The following CORO2A variants were observed in gnomAD, a reference collection of about 807,000 sequenced individuals.
CORO2A encodes the protein coronin 2A.
Under a neutral mutation model 62.4 loss-of-function variants are expected in CORO2A, and 47 were observed. That is an observed-to-expected ratio of 0.75 (90% CI 0.60 to 0.96). CORO2A has a LOEUF of 0.96. Ranked by LOEUF, CORO2A falls within the 40% of genes least tolerant of loss-of-function variation. CORO2A has a pLI of 0.00. For synonymous variants in CORO2A, 273 were observed against 268.9 expected (o/e 1.02, Z -0.15); for missense variants, 610 against 684.1 (o/e 0.89, Z 1.21).
At chr9:98,135,021 G>A in intron 3 of CORO2A, 66 bp from the exon 4 acceptor site, 1 of 1,580,264 alleles carries the variant, frequency 6.3e-7, no homozygotes, top group Non-Finnish European at 8.6e-7. Flanking sequence ...ACCAGCCTAA[G>A]CCACAGATCT....
chr9:98,179,024 G>C (rs529330218), intron 1 of CORO2A, among the ~76,000 whole-genome samples: 2 of 152,184 alleles, frequency 1.3e-5, no homozygotes, highest in Non-Finnish European at 1.5e-5. Flanking sequence ...TCACAGTCTA[G>C]CTCTTTACCG....
intron 5 of CORO2A, 103 bp from the exon 6 acceptor site, chr9:98,132,404 A>C (rs1243885860): frequency 1.0e-5 from 9 of 887,994 alleles, no homozygotes; most frequent in Non-Finnish European, 1.6e-5. Context: ...TCCACCTGGG[A>C]GGCCTCCCTT....
chr9:98,186,262 C>A (rs956101330), intron 1 of CORO2A, among the ~76,000 whole-genome samples: 1 of 151,382 alleles, frequency 6.6e-6, no homozygotes, highest in Admixed American at 6.6e-5. Context: ...TGAAATGATG[C>A]CAGGAGAGGG....
intron 2 of CORO2A, among the ~76,000 whole-genome samples, chr9:98,144,873 T>G (rs1587998710): frequency 6.6e-6 from 1 of 151,806 alleles, no homozygotes; most frequent in East Asian, 1.9e-4. Context: ...CTGCCCAGGG[T>G]GCAAGGCTGG....
intron 2 of CORO2A, among the ~76,000 whole-genome samples, chr9:98,138,680 G>A (rs906186818): frequency 6.6e-6 from 1 of 152,232 alleles, no homozygotes; most frequent in Non-Finnish European, 1.5e-5. Flanking sequence ...TGTTCCAGAT[G>A]TGGTTTCATT....
At chr9:98,135,024 A>G in intron 3 of CORO2A, 69 bp from the exon 4 acceptor site, 8 of 1,576,540 alleles carry the variant, frequency 5.1e-6, no homozygotes, top group Non-Finnish European at 6.9e-6. Context: ...AGCCTAAGCC[A>G]CAGATCTGGC....
intron 10 of CORO2A, among the ~76,000 whole-genome samples, chr9:98,127,397 G>A (rs1232426541): frequency 6.6e-6 from 1 of 152,208 alleles, no homozygotes; most frequent in Non-Finnish European, 1.5e-5. Flanking sequence ...AGCAGCTGGG[G>A]TGACTGCTTC....
At chr9:98,165,470 C>T (rs1827946580) in intron 1 of CORO2A, among the ~76,000 whole-genome samples, 1 of 152,204 alleles carries the variant, frequency 6.6e-6, no homozygotes, top group Non-Finnish European at 1.5e-5. Context: ...TGACTTGGTG[C>T]TTATTCTGCG....
chr9:98,129,062 A>G lies in CORO2A; in HGVS notation c.968-343T>C, dbSNP rs529163670. On this transcript the variant is annotated intron_variant, in intron 8 of 11. Coordinates refer to ENST00000375077, the MANE Select transcript of CORO2A (RefSeq NM_052820.4). Reference sequence around the variant, plus strand: ...ATCCTCCTGCCTTAGCGTCCCAAGTAGCTGGGACCACAGGTATGCACCTCA... The same window carrying G: ...ATCCTCCTGCCTTAGCGTCCCAAGTGGCTGGGACCACAGGTATGCACCTCA... Among the ~76,000 whole-genome samples, 7 of 152,248 alleles carry G rather than the reference A, an allele frequency of 4.6e-5. No individual in the cohort carries two copies. The South Asian group carries it at 1.2e-3, about 27-fold the overall frequency.
chr9:98,166,253 T>TA (rs766388195), intron 1 of CORO2A, among the ~76,000 whole-genome samples: 2 of 152,040 alleles, frequency 1.3e-5, no homozygotes, highest in African/African-American at 2.4e-5. Flanking sequence ...GCTAAATCTA[T>TA]AAAAAACCTT....
At chr9:98,132,408 C>T in intron 5 of CORO2A, 107 bp from the exon 6 acceptor site, 1 of 821,270 alleles carries the variant, frequency 1.2e-6, no homozygotes. Context: ...CCTGGGAGGC[C>T]TCCCTTTCTC....
At chr9:98,165,545 C>T (rs879862591) in intron 1 of CORO2A, among the ~76,000 whole-genome samples, 1 of 152,224 alleles carries the variant, frequency 6.6e-6, no homozygotes, top group Non-Finnish European at 1.5e-5. Context: ...CTGCTCTCCA[C>T]ATGTTCATAC....
Position 98,133,141 on chromosome 9 carries a change from A to G in CORO2A, c.545T>C (p.Val182Ala). The change falls in exon 5 of 12, where the codon GTG becomes GCG. Residue 182 changes from valine (V) to alanine (A), a missense_variant. Val to Ala is a moderately conservative substitution (Grantham distance 64). Coordinates refer to ENST00000375077, the MANE Select transcript of CORO2A (RefSeq NM_052820.4). ...PMSTISCHQD[V>A]ILSMSFNTNG... ...GGTGTTGAAGGACATGGAGAGGATC[A>G]CATCTTGGTGACAGCTAATCGTACT... The G allele has an allele frequency of 2.5e-6, 4 of 1,614,236 alleles. No homozygotes were observed. Among genetic ancestry groups the G allele is most frequent in the Non-Finnish European group, 3.4e-6 (4 of 1,180,038 alleles).
In CORO2A at chr9:98,179,457, C is replaced by T. The variant is rs115840045; in HGVS notation, c.-1+13102G>A. On this transcript the variant is annotated intron_variant, in intron 1 of 11. Coordinates refer to ENST00000375077, the MANE Select transcript of CORO2A (RefSeq NM_052820.4). ...ATCTTCCAGGTCCTTCCTGCCTCCT[C>T]CAGGCTGTCCTCATCTCAGATCCCA... 2.0e-3 allele frequency among the ~76,000 whole-genome samples: 297 copies of T among 152,304 alleles called. 1 individual carries two copies. Among genetic ancestry groups the T allele is most frequent in the African/African-American group, 6.7e-3 (279 of 41,572 alleles).
chr9:98,170,652 C>T (rs1218680342), intron 1 of CORO2A, among the ~76,000 whole-genome samples: 1 of 152,156 alleles, frequency 6.6e-6, no homozygotes, highest in Non-Finnish European at 1.5e-5. Context: ...CCATGTTAGC[C>T]AAGCTGATCT....
intron 1 of CORO2A, among the ~76,000 whole-genome samples, chr9:98,169,204 G>GC (rs1828001029): frequency 1.3e-5 from 2 of 151,662 alleles, no homozygotes; most frequent in East Asian, 3.9e-4. Flanking sequence ...CGCCTTCCCC[G>GC]CCCCCGCGCC....
rs780593212 is a variant in CORO2A at position 98,132,193 on chromosome 9, A to T, written c.757T>A (p.Trp253Arg). The T allele has an allele frequency of 8.7e-6, 14 of 1,613,964 alleles. No homozygotes were observed. Among genetic ancestry groups the T allele is most frequent in the Non-Finnish European group, 1.2e-5 (14 of 1,179,870 alleles). ...SRWNNRQVAL[W>R]DQDNLSVPLM... ...TGGGGTGCAGCCCTCACCTGGTCCC[A>T]CAAGGCCACCTGCCGGTTGTTCCAT... The change falls in exon 6 of 12, where the codon TGG becomes AGG. Residue 253 changes from tryptophan (W) to arginine (R), a missense_variant. By Grantham distance (101) the Trp-to-Arg change is moderately radical. Transcript: ENST00000375077.
At position 98,157,441 on chromosome 9, in the gene CORO2A, G is replaced by A. The variant is rs1478873855; in HGVS notation, c.201+19C>T. The A allele has an allele frequency of 1.4e-5, 22 of 1,613,076 alleles. No homozygotes were observed. The highest frequency in any genetic ancestry group is 1.9e-5 in the Non-Finnish European group (22 of 1,179,238). On this transcript the variant is annotated intron_variant, in intron 2 of 11. Coordinates refer to ENST00000375077, the MANE Select transcript of CORO2A (RefSeq NM_052820.4). ...TGCCCTGCCTCCAGAGAGCTGTTTG[G>A]GCCTGGGGGTGTCCTTACCTGGTGC... is the stretch of plus-strand genomic sequence containing the variant.
At chr9:98,150,561 C>G (rs80054081) in intron 2 of CORO2A, among the ~76,000 whole-genome samples, 1,589 of 152,266 alleles carry the variant, frequency 0.01, 26 homozygotes, top group African/African-American at 0.036. Context: ...TCCCCTCTCC[C>G]AACCCACGTC....
Sources: allele counts gnomAD v4.1 joint callset (sites outside exome capture counted in the v4.1 genomes callset), GRCh38; gene constraint gnomAD v4.1.1; transcripts MANE v1.5; gene names NCBI Gene and HGNC (gene_info 2026-07-23, HGNC 2026-07-21).